KYAT3: variants seen among roughly 807,000 people sequenced by gnomAD.
KYAT3 encodes kynurenine--oxoglutarate transaminase 3.
A neutral mutation model predicts 59.0 loss-of-function variants in KYAT3; 50 were observed. The ratio of observed to expected loss-of-function variants is 0.85; its 90% CI spans 0.68 to 1.07. The LOEUF is 1.07. KYAT3 is among the 50% of genes least tolerant of loss of function. KYAT3 has a pLI of 0.00. For synonymous variants in KYAT3, 148 were observed against 177.0 expected, an observed-to-expected ratio of 0.84 and a Z score of 1.30; for missense variants, 497 against 533.3, an observed-to-expected ratio of 0.93 and a Z score of 0.67.
intron 5 of KYAT3, among the ~76,000 whole-genome samples, chr1:88,964,201 C>CA (rs201956693): frequency 0.032 from 4,914 of 152,004 alleles, 240 homozygotes; most frequent in African/African-American, 0.11. Flanking sequence ...GACTCCATCT[C>CA]AAAAAAACAA....
At chr1:88,989,212 A>C (rs1377674651) in intron 1 of KYAT3, among the ~76,000 whole-genome samples, 7 of 152,206 alleles carry the variant, frequency 4.6e-5, no homozygotes, top group Admixed American at 4.6e-4. Context: ...AAAGAGACCT[A>C]ATCTATGGAA....
intron 2 of KYAT3, among the ~76,000 whole-genome samples, chr1:88,970,372 G>A (rs1382755529): frequency 6.6e-6 from 1 of 152,178 alleles, no homozygotes; most frequent in Non-Finnish European, 1.5e-5. Flanking sequence ...ATGAGGTACA[G>A]AGGTACGGAG....
intron 11 of KYAT3, among the ~76,000 whole-genome samples, chr1:88,947,373 A>T (rs1197461370): frequency 6.6e-6 from 1 of 152,042 alleles, no homozygotes; most frequent in Non-Finnish European, 1.5e-5. Context: ...ACCACTCCTC[A>T]CTTCCCATTG....
At position 88,961,166 on chromosome 1, in the gene KYAT3, C is replaced by A. The variant is rs1361731164; in HGVS notation, c.787+1G>T. On this transcript the variant is annotated splice_donor_variant, in intron 8 of 13. Coordinates refer to ENST00000260508, the MANE Select transcript of KYAT3 (RefSeq NM_001008661.3). LOFTEE classifies it high-confidence loss of function. ...ATGTGACTCTGTGTTATAGTTGGTA[C>A]CTATTTTTAAGTGCTTATTTCCAGA... 2 of 1,613,016 alleles carry A rather than the reference C, an allele frequency of 1.2e-6. No homozygotes were observed. Among genetic ancestry groups the A allele is most frequent in the African/African-American group, 1.3e-5 (1 of 74,896 alleles).
intron 1 of KYAT3, among the ~76,000 whole-genome samples, chr1:88,989,446 T>C (rs1677655983): frequency 6.6e-6 from 1 of 152,096 alleles, no homozygotes; most frequent in Admixed American, 6.5e-5. Context: ...TCACAATAGG[T>C]GAATAAATTA....
rs200014346 is a variant in KYAT3 at position 88,968,666 on chromosome 1, T to C, written c.303+4A>G. 186 of 1,556,524 alleles carry C rather than the reference T, an allele frequency of 1.2e-4. 1 individual carries two copies. The East Asian group carries it at 3.3e-3, about 27-fold the overall frequency. ...CATGGCCCATATGGTCTTGATATAC[T>C]TACAAAGCCTCGTGTATACTGATTC... On this transcript the variant is annotated splice_donor_region_variant and intron_variant, in intron 4 of 13. Coordinates refer to ENST00000260508, the MANE Select transcript of KYAT3 (RefSeq NM_001008661.3).
chr1:88,922,587 T>A, the KYAT3 span, among the ~76,000 whole-genome samples: 8 of 152,276 alleles, frequency 5.3e-5, no homozygotes, highest in African/African-American at 1.9e-4. Flanking sequence ...TACATGCTCC[T>A]TATGAGAATC....
intron 8 of KYAT3, 62 bp from the exon 9 acceptor site, chr1:88,955,287 TA>T: frequency 1.1e-6 from 1 of 941,006 alleles, no homozygotes; most frequent in Non-Finnish European, 1.7e-6. Context: ...TAGTATAATC[TA>T]AAAACATAAC....
rs1269519790 is a variant in KYAT3 at position 88,985,733 on chromosome 1, T to A, written c.99+2519A>T. On this transcript the variant is annotated intron_variant, in intron 2 of 13. Transcript: ENST00000260508. Reference sequence around the variant, plus strand: ...GCCATAAGCAGAAAAATATAGTTCATGGCATACAATATATATACTCCAAAA... The same window carrying A: ...GCCATAAGCAGAAAAATATAGTTCAAGGCATACAATATATATACTCCAAAA... Among the ~76,000 whole-genome samples the A allele has an allele frequency of 2.6e-5, 4 of 152,162 alleles. No homozygotes were observed. The East Asian group carries it at 7.7e-4, about 29-fold the overall frequency.
chr1:88,953,647 G>C (rs1396426115), intron 9 of KYAT3, among the ~76,000 whole-genome samples: 1 of 151,916 alleles, frequency 6.6e-6, no homozygotes, highest in Non-Finnish European at 1.5e-5. Context: ...CTTCCAAATG[G>C]AGTCATTAAA....
At chr1:88,953,392 A>C (rs767990018) in intron 9 of KYAT3, among the ~76,000 whole-genome samples, 3 of 151,996 alleles carry the variant, frequency 2.0e-5, no homozygotes, top group African/African-American at 7.3e-5. Flanking sequence ...AAAAATACAA[A>C]AAAATTAGCT....
At chr1:88,937,500 C>G (rs1675084364) in intron 13 of KYAT3, among the ~76,000 whole-genome samples, 2 of 152,062 alleles carry the variant, frequency 1.3e-5, no homozygotes, top group South Asian at 4.1e-4. Context: ...TTATAGCCCA[C>G]TGTACTACAA....
the KYAT3 span, chr1:88,923,927 C>A: frequency 2.1e-3 from 356 of 165,848 alleles, no homozygotes; most frequent in Non-Finnish European, 3.5e-3. Flanking sequence ...TGATGAAAAA[C>A]CAACCCAGAA....
chr1:88,943,488 A>C lies in KYAT3; in HGVS notation c.1142-65T>G, dbSNP rs538183859. On this transcript the variant is annotated intron_variant, in intron 11 of 13. Coordinates refer to ENST00000260508, the MANE Select transcript of KYAT3 (RefSeq NM_001008661.3). ...TCTGATGCAACATGTATTTCATTTA[A>C]GTCTATCAAGATTCAACATTTTCTC... The C allele has an allele frequency of 1.3e-5, 11 of 832,554 alleles. 1 individual carries two copies. The South Asian group carries it at 1.5e-4, about 11-fold the overall frequency. 51.6% of individuals were successfully genotyped at this position (832,554 alleles called of 1,614,324 possible). A position where few individuals can be genotyped will look rare whatever the true frequency, so the allele number is the denominator to read the frequency against.
the KYAT3 span, among the ~76,000 whole-genome samples, chr1:88,927,327 C>T: frequency 2.0e-5 from 3 of 152,066 alleles, no homozygotes; most frequent in Non-Finnish European, 4.4e-5. Flanking sequence ...ACTGCCTGGC[C>T]ACAATATCCT....
chr1:88,986,486 T>G (rs1015741577), intron 2 of KYAT3, among the ~76,000 whole-genome samples: 7 of 151,706 alleles, frequency 4.6e-5, no homozygotes, highest in African/African-American at 1.5e-4. Context: ...GAGATGAGGT[T>G]TTGCCATGTT....
chr1:88,927,442 A>G, the KYAT3 span, among the ~76,000 whole-genome samples: 1 of 152,198 alleles, frequency 6.6e-6, no homozygotes, highest in Non-Finnish European at 1.5e-5. Flanking sequence ...GTGAAGTGCC[A>G]TATGTGCAAA....
At chr1:88,954,727 T>G (rs1675832746) in intron 9 of KYAT3, among the ~76,000 whole-genome samples, 1 of 152,242 alleles carries the variant, frequency 6.6e-6, no homozygotes, top group Non-Finnish European at 1.5e-5. Context: ...TATAAAAATC[T>G]ATATAAACTG....
chr1:88,970,379 G>A (rs1158489575), intron 2 of KYAT3, among the ~76,000 whole-genome samples: 7 of 152,132 alleles, frequency 4.6e-5, no homozygotes, highest in South Asian at 2.1e-4. Flanking sequence ...ACAGAGGTAC[G>A]GAGAGGTTAA....
Sources: gnomAD v4.1 joint callset for allele counts (sites outside exome capture counted in the v4.1 genomes callset) on GRCh38, gnomAD v4.1.1 for gene constraint, MANE v1.5 for transcripts, NCBI Gene and HGNC (gene_info 2026-07-23, HGNC 2026-07-21) for gene names.